ZNF429: variants seen among roughly 807,000 people sequenced by gnomAD.
ZNF429 encodes zinc finger protein 429.
ZNF429 carries 53 observed loss-of-function variants against 56.8 expected under a neutral mutation model. The ratio of observed to expected loss-of-function variants is 0.93; its 90% CI spans 0.75 to 1.17. The LOEUF is 1.17. Ranked by LOEUF, ZNF429 falls within the 50% of genes most tolerant of loss-of-function variation. The probability of loss-of-function intolerance (pLI) is 0.00; values close to 1 mark genes in which losing one functional copy is unlikely to be tolerated. For missense variants in ZNF429, 849 were observed against 788.4 expected (o/e 1.08, Z -0.92); for synonymous variants, 278 against 264.7 (o/e 1.05, Z -0.49).
At position 21,530,581 on chromosome 19, in the gene ZNF429, T is replaced by C; in HGVS notation, c.131-8T>C. The C allele has an allele frequency of 2.5e-6, 4 of 1,581,278 alleles. No individual in the cohort carries two copies. The highest frequency in any genetic ancestry group is 3.4e-6 in the Non-Finnish European group (4 of 1,163,286). ...CAAGATTCATCTTCTTTATTTTTAA[T>C]AAAACAGGTATTGCTGTTTCTAAGC... On this transcript the variant is annotated splice_region_variant and splice_polypyrimidine_tract_variant and intron_variant, in intron 2 of 3. Transcript: ENST00000358491.
At position 21,505,643 on chromosome 19, in the gene ZNF429, G is replaced by C; in HGVS notation, c.-129G>C. On this transcript the variant is annotated 5_prime_UTR_variant, in exon 1 of 4. Transcript: ENST00000358491. ...GGCGGGGCGTTTGGCTCTTGCTGCA[G>C]CCAGAGCTCCAGGTCTCGTCTTCAT... 1.0e-6 allele frequency: 1 copy of C among 985,140 alleles called. No homozygotes were observed. Among genetic ancestry groups the C allele is most frequent in the South Asian group, 1.6e-5 (1 of 60,744 alleles). The allele number at this position is 985,140 out of a possible 1,614,324, so 61.0% of individuals were successfully genotyped here.
intron 1 of ZNF429, among the ~76,000 whole-genome samples, chr19:21,514,574 T>TACAC (rs35594597): frequency 2.6e-5 from 4 of 151,780 alleles, no homozygotes; most frequent in African/African-American, 9.7e-5. Flanking sequence ...GTATATTTTA[T>TACAC]ACACACACAC....
At chr19:21,521,184 T>G (rs2032973955) in intron 1 of ZNF429, among the ~76,000 whole-genome samples, 1 of 152,226 alleles carries the variant, frequency 6.6e-6, no homozygotes, top group South Asian at 2.1e-4. Context: ...GTGAGCATGG[T>G]TTCAGTGTCT....
intron 1 of ZNF429, among the ~76,000 whole-genome samples, chr19:21,510,946 A>G (rs1441753666): frequency 2.0e-5 from 3 of 152,044 alleles, no homozygotes; most frequent in Admixed American, 2.0e-4. Flanking sequence ...TTTTCTTAGT[A>G]CAGAACAAAA....
At position 21,539,573 on chromosome 19, in the gene ZNF429, C is replaced by T. The variant is rs985028768; in HGVS notation, c.*1495C>T. On this transcript the variant is annotated 3_prime_UTR_variant, in exon 4 of 4. Coordinates refer to ENST00000358491, the MANE Select transcript of ZNF429 (RefSeq NM_001001415.4). ...AGTAGCTGGGAATACAGGCATACAC[C>T]AGCATGTCTGGCTATTTTTTTTTTT... Among the ~76,000 whole-genome samples, 5 of 150,828 alleles carry T rather than the reference C, an allele frequency of 3.3e-5. No individual in the cohort carries two copies. Among genetic ancestry groups the T allele is most frequent in the African/African-American group, 1.2e-4 (5 of 41,038 alleles).
At chr19:21,508,408 A>G (rs2032288842) in intron 1 of ZNF429, among the ~76,000 whole-genome samples, 1 of 152,130 alleles carries the variant, frequency 6.6e-6, no homozygotes, top group South Asian at 2.1e-4. Flanking sequence ...AGTGAGCGGG[A>G]TGGGTAGGAG....
At chr19:21,521,960 T>A (rs970771054) in intron 1 of ZNF429, 2 of 152,342 alleles carry the variant, frequency 1.3e-5, no homozygotes, top group African/African-American at 4.8e-5. Context: ...TCATGTATGA[T>A]GTGAGCTGCC....
chr19:21,537,400 A>G lies in ZNF429; in HGVS notation c.1347A>G (p.Glu449=), dbSNP rs2033740198. Residue 449 remains glutamate (E), a synonymous_variant, in exon 4 of 4, where the codon GAA becomes GAG. Coordinates refer to ENST00000358491, the MANE Select transcript of ZNF429 (RefSeq NM_001001415.4). ...CTAGACATAAGAGAATTCATACTGAAGAGAAACCCTATAAATGTAACGAAT... is the reference window on the plus strand; with the variant it reads ...CTAGACATAAGAGAATTCATACTGAGGAGAAACCCTATAAATGTAACGAAT... ...TLTRHKRIHT[E]EKPYKCNECG... is the part of the protein sequence containing the mutation. 1 of 1,613,566 alleles carries G rather than the reference A, an allele frequency of 6.2e-7. No homozygotes were observed. The highest frequency in any genetic ancestry group is 2.2e-5 in the East Asian group (1 of 44,820).
intron 1 of ZNF429, among the ~76,000 whole-genome samples, chr19:21,509,776 G>A (rs2032362535): frequency 6.6e-6 from 1 of 152,076 alleles, no homozygotes; most frequent in Non-Finnish European, 1.5e-5. Context: ...TTGTAAAGTA[G>A]AACAAAGTTA....
At chr19:21,506,029 G>C in intron 1 of ZNF429, 1 of 346,750 alleles carries the variant, frequency 2.9e-6, no homozygotes, top group Non-Finnish European at 5.6e-6. Flanking sequence ...CTCTGCACGC[G>C]CAATTCCGCA....
At chr19:21,512,875 CTTTTT>C (rs796247587) in intron 1 of ZNF429, among the ~76,000 whole-genome samples, 2 of 142,502 alleles carry the variant, frequency 1.4e-5, no homozygotes, top group Non-Finnish European at 3.1e-5. Flanking sequence ...CCATCTAAGT[CTTTTT>C]TTTTTTTTTG....
chr19:21,532,670 A>G, intron 3 of ZNF429, among the ~76,000 whole-genome samples: 1 of 151,794 alleles, frequency 6.6e-6, no homozygotes, highest in African/African-American at 2.4e-5. Context: ...ATAAAAGCAT[A>G]AGACAGAAGA....
chr19:21,506,550 C>T (rs2032167517), intron 1 of ZNF429, among the ~76,000 whole-genome samples: 2 of 151,422 alleles, frequency 1.3e-5, no homozygotes, highest in South Asian at 4.2e-4. Context: ...GTTTGTGGTC[C>T]TTTGGAGGAG....
Position 21,539,783 on chromosome 19 carries a change from T to C in ZNF429, c.*1705T>C, listed in dbSNP as rs1360104713. ...TATATAAAATTTTTGAAAAGCAAAT[T>C]ATGATATAATTCAAGTATCAAATTA... On this transcript the variant is annotated 3_prime_UTR_variant, in exon 4 of 4. Transcript: ENST00000358491. Among the ~76,000 whole-genome samples, 2 of 152,132 alleles carry C rather than the reference T, an allele frequency of 1.3e-5. No homozygotes were observed. The highest frequency in any genetic ancestry group is 4.8e-5 in the African/African-American group (2 of 41,438).
chr19:21,510,652 A>G (rs1015728595), intron 1 of ZNF429, among the ~76,000 whole-genome samples: 4 of 151,396 alleles, frequency 2.6e-5, no homozygotes, highest in African/African-American at 9.7e-5. Context: ...GGGTCATAGG[A>G]CAATAGTGGA....
Position 21,530,675 on chromosome 19 carries a change from G to A in ZNF429, c.217G>A (p.Glu73Lys), listed in dbSNP as rs1457245458. 1 of 1,607,898 alleles carries A rather than the reference G, an allele frequency of 6.2e-7. No individual in the cohort carries two copies. The highest frequency in any genetic ancestry group is 1.3e-5 in the African/African-American group (1 of 74,838). The change falls in exon 3 of 4, where the codon GAA (glutamate) becomes AAA (lysine). Residue 73 changes from glutamate (E) to lysine (K), a missense_variant. Glu to Lys is a moderately conservative substitution (Grantham distance 56, BLOSUM62 1). Coordinates refer to ENST00000358491, the MANE Select transcript of ZNF429 (RefSeq NM_001001415.4). ...GATGAAGCGACATGAAATGGTGGAT[G>A]AACCCCCAGGTAGGTGAGAGTGAAC... ...CKMKRHEMVD[E>K]PPVVCSHFAE...
chr19:21,536,584 A>G lies in ZNF429; in HGVS notation c.531A>G (p.Lys177=). The G allele has an allele frequency of 6.2e-7, 1 of 1,613,792 alleles. No individual in the cohort carries two copies. The highest frequency in any genetic ancestry group is 8.5e-7 in the Non-Finnish European group (1 of 1,179,880). Residue 177 remains lysine (K), a synonymous_variant, in exon 4 of 4, where the codon AAA becomes AAG. Coordinates refer to ENST00000358491, the MANE Select transcript of ZNF429 (RefSeq NM_001001415.4). Reference sequence around the variant, plus strand: ...GAAAGAAACCTTTCCAGTGTAAAAAATGTGGCAAATCATTTTGCATGCTTT... The same window carrying G: ...GAAAGAAACCTTTCCAGTGTAAAAAGTGTGGCAAATCATTTTGCATGCTTT... ...HTGKKPFQCK[K]CGKSFCMLSQ... is the part of the protein sequence containing the mutation.
chr19:21,527,851 A>T (rs2145458289), intron 1 of ZNF429, among the ~76,000 whole-genome samples: 1 of 152,270 alleles, frequency 6.6e-6, no homozygotes, highest in African/African-American at 2.4e-5. Context: ...CAGAAATTGG[A>T]AAAAGAAGAA....
At position 21,536,691 on chromosome 19, in the gene ZNF429, C is replaced by T; in HGVS notation, c.638C>T (p.Ser213Phe). ...GAATTTGGCAATGCCTTTAATCAGT[C>T]CTCAGCCCTTACTAACCATAAGAGA... The part of the protein sequence containing the change: ...CKEFGNAFNQ[S>F]SALTNHKRIY... Residue 213 changes from serine to phenylalanine, a missense_variant, in exon 4 of 4, where the codon TCC (serine) becomes TTC (phenylalanine). Transcript: ENST00000358491. The T allele has an allele frequency of 5.0e-6, 8 of 1,613,970 alleles. 1 individual carries two copies. The South Asian group carries it at 8.8e-5, about 18-fold the overall frequency.
Sources: allele counts gnomAD v4.1 joint callset (sites outside exome capture counted in the v4.1 genomes callset), GRCh38; gene constraint gnomAD v4.1.1; transcripts MANE v1.5; gene names NCBI Gene and HGNC (gene_info 2026-07-23, HGNC 2026-07-21).